Variants in PHKG2 observed in about 807,000 individuals in gnomAD.
PHKG2 encodes phosphorylase kinase catalytic subunit gamma 2.
A neutral mutation model predicts 44.5 loss-of-function variants in PHKG2; 28 were observed. The ratio of observed to expected loss-of-function variants is 0.63; its 90% CI spans 0.47 to 0.86. PHKG2 has a LOEUF of 0.86. PHKG2 is among the 40% of genes least tolerant of loss of function. PHKG2 has a pLI of 0.00. For synonymous variants in PHKG2, 220 were observed against 211.2 expected, an observed-to-expected ratio of 1.04 and a Z score of -0.36; for missense variants, 498 against 547.5, an observed-to-expected ratio of 0.91 and a Z score of 0.90.
rs535279129 is a variant in PHKG2, at chr16:30,759,356, C to G, written c.*2259C>G. On this transcript the variant is annotated 3_prime_UTR_variant, in exon 10 of 10. Coordinates refer to ENST00000563588, the MANE Select transcript of PHKG2 (RefSeq NM_000294.3). ...CCACCCCCTACCTGGGGTGTGAAGA[C>G]GTATTTATAGAGCTTGAAGTGGCGG... The G allele has an allele frequency of 3.7e-6, 6 of 1,613,974 alleles. No homozygotes were observed. The highest frequency in any genetic ancestry group is 5.1e-6 in the Non-Finnish European group (6 of 1,179,870).
rs756191235 is a variant in PHKG2 at position 30,756,292 on chromosome 16, C to T, written c.647+20C>T. ...CGACCTGTGAGTTCCTGGTCTCCCC[C>T]TCCCTCCCGTGCTTGCTGTCCTTTG... On this transcript the variant is annotated intron_variant, in intron 7 of 9. Transcript: ENST00000563588. 2 of 1,613,926 alleles carry T rather than the reference C, an allele frequency of 1.2e-6. No homozygotes were observed. Among genetic ancestry groups the T allele is most frequent in the Non-Finnish European group, 1.7e-6 (2 of 1,179,786 alleles).
chr16:30,748,585 T>G, intron 1 of PHKG2, 95 bp downstream of exon 1: 1 of 531,886 alleles, frequency 1.9e-6, no homozygotes, highest in Non-Finnish European at 3.4e-6. Flanking sequence ...TCCCCCTGCC[T>G]CCTGGGCACA....
Position 30,760,687 on chromosome 16 carries a change from AAG to A in PHKG2, c.*3593_*3594del, listed in dbSNP as rs201882666. On this transcript the variant is annotated 3_prime_UTR_variant, in exon 10 of 10. Coordinates refer to ENST00000563588, the MANE Select transcript of PHKG2 (RefSeq NM_000294.3). ...GTACTTCCTGTTATAGTAAAAGAAA[AAG>A]AGTATTGGTGGCCGTTACCTATCAT... is the stretch of plus-strand genomic sequence containing the variant. 16 of 1,543,116 alleles carry A rather than the reference AAG, an allele frequency of 1.0e-5. No individual in the cohort carries two copies. In the African/African-American group the frequency reaches 1.2e-4, roughly 11 times the overall value.
intron 2 of PHKG2, 22 bp from the exon 3 acceptor site, chr16:30,751,084 T>C: frequency 1.2e-6 from 2 of 1,612,164 alleles, no homozygotes; most frequent in Non-Finnish European, 1.7e-6. Context: ...CCCTGACTTG[T>C]GCTATTTTCC....
rs760869502 is a variant in PHKG2, at chr16:30,756,490, G to A, written c.771G>A (p.Trp257Ter). Residue 257 changes from tryptophan (W) to a stop codon, truncating the protein, a stop_gained, in exon 8 of 10, where the codon TGG becomes TGA. Transcript: ENST00000563588. LOFTEE classifies it high-confidence loss of function. ...EGQYQFSSPE[W>*]DDRSSTVKDL... ...AGTACCAGTTCAGTTCCCCCGAGTG[G>A]GATGACCGTTCCAGCACTGTCAAAG... is the stretch of plus-strand genomic sequence containing the variant. 2 of 1,613,380 alleles carry A rather than the reference G, an allele frequency of 1.2e-6. No individual in the cohort carries two copies. The highest frequency in any genetic ancestry group is 2.2e-5 in the South Asian group (2 of 91,078).
rs2053746115 is a variant in PHKG2 at position 30,761,086 on chromosome 16, C to T, written c.*3989C>T. The T allele has an allele frequency of 3.2e-6, 4 of 1,252,434 alleles. No individual in the cohort carries two copies. Among genetic ancestry groups the T allele is most frequent in the African/African-American group, 3.0e-5 (2 of 67,112 alleles). 77.6% of individuals were successfully genotyped at this position (1,252,434 alleles called of 1,614,324 possible). ...CCAGTCACCTGGAGTAATTGCATCT[C>T]CAGGCCTCAGTCTCATCTGTAAAAT... On this transcript the variant is annotated 3_prime_UTR_variant, in exon 10 of 10. Transcript: ENST00000563588.
intron 2 of PHKG2, among the ~76,000 whole-genome samples, 191 bp downstream of exon 2, chr16:30,749,106 C>CTGG (rs1451638959): frequency 0.024 from 1,236 of 50,488 alleles, 446 homozygotes; most frequent in African/African-American, 0.061. Context: ...GCTGCTGCTG[C>CTGG]TGCTGGTGGT....
In PHKG2 at chr16:30,756,045, C is replaced by T. The variant is rs139208253; in HGVS notation, c.557-137C>T. On this transcript the variant is annotated intron_variant, in intron 6 of 9. Coordinates refer to ENST00000563588, the MANE Select transcript of PHKG2 (RefSeq NM_000294.3). ...GCAGGGATAGTGCCTCAGCAGGAGA[C>T]TTGGCAGAAGGCAGACAGAAGGAAG... 2.8e-3 allele frequency: 2,265 copies of T among 796,756 alleles called. 9 individuals carry two copies. The highest frequency in any genetic ancestry group is 5.4e-3 in the Middle Eastern group (19 of 3,540). The allele number at this position is 796,756 out of a possible 1,614,324, so 49.4% of individuals were successfully genotyped here. A position where few individuals can be genotyped will look rare whatever the true frequency, so the allele number is the denominator to read the frequency against.
intron 2 of PHKG2, among the ~76,000 whole-genome samples, chr16:30,749,301 T>C (rs2053313784): frequency 6.6e-6 from 1 of 151,026 alleles, no homozygotes; most frequent in African/African-American, 2.4e-5. Flanking sequence ...TGTGTGTCTT[T>C]CAAGTTCAGG....
At position 30,757,495 on chromosome 16, in the gene PHKG2, C is replaced by T; in HGVS notation, c.*398C>T. ...TGGGGGTCACTTGGTCTTGCTCTTG[C>T]CTTTACCCGGAGGTAGCTGGAAGGG... is the stretch of plus-strand genomic sequence containing the variant. On this transcript the variant is annotated 3_prime_UTR_variant, in exon 10 of 10. Transcript: ENST00000563588. The T allele has an allele frequency of 6.2e-7, 1 of 1,613,822 alleles. No homozygotes were observed. Among genetic ancestry groups the T allele is most frequent in the Non-Finnish European group, 8.5e-7 (1 of 1,179,836 alleles).
chr16:30,757,893 G>C lies in PHKG2; in HGVS notation c.*796G>C. 8.4e-7 allele frequency: 1 copy of C among 1,193,012 alleles called. No homozygotes were observed. Among genetic ancestry groups the C allele is most frequent in the Non-Finnish European group, 1.1e-6 (1 of 914,244 alleles). The allele number at this position is 1,193,012 out of a possible 1,614,324, so 73.9% of individuals were successfully genotyped here. On this transcript the variant is annotated 3_prime_UTR_variant, in exon 10 of 10. Transcript: ENST00000563588. ...CCTACTCAGTAGCTGTGTGACCTTA[G>C]GCAGGTTATTTAACCTATCTGTGCC... is the stretch of plus-strand genomic sequence containing the variant.
chr16:30,757,053 T>C lies in PHKG2; in HGVS notation c.1177T>C (p.Ser393Pro), dbSNP rs2053442962. 1 of 1,612,986 alleles carries C rather than the reference T, an allele frequency of 6.2e-7. No individual in the cohort carries two copies. The highest frequency in any genetic ancestry group is 1.7e-5 in the Admixed American group (1 of 60,008). The part of the protein sequence containing the change: ...PIMGPEEEGD[S>P]AAITEDEAVL... Reference sequence around the variant, plus strand: ...CATGGGCCCTGAAGAGGAGGGAGACTCTGCTGCTATAACTGAGGATGAGGC... The same window carrying C: ...CATGGGCCCTGAAGAGGAGGGAGACCCTGCTGCTATAACTGAGGATGAGGC... Residue 393 changes from serine to proline, a missense_variant, in exon 10 of 10, where the codon TCT (serine) becomes CCT (proline). By Grantham distance (74) the Ser-to-Pro change is moderately conservative. Transcript: ENST00000563588.
chr16:30,754,679 C>T (rs2053393218), intron 6 of PHKG2, among the ~76,000 whole-genome samples: 1 of 152,116 alleles, frequency 6.6e-6, no homozygotes, highest in Non-Finnish European at 1.5e-5. Context: ...TACTTTAAAA[C>T]CCTTTGGCTT....
chr16:30,760,203 C>T lies in PHKG2; in HGVS notation c.*3106C>T, dbSNP rs1329637350. ...ACATATTCCAGGCAGAAATCCCCTG[C>T]TTCTGCTTCCCATGGTCACTTGTGC... is the stretch of plus-strand genomic sequence containing the variant. On this transcript the variant is annotated 3_prime_UTR_variant, in exon 10 of 10. Coordinates refer to ENST00000563588, the MANE Select transcript of PHKG2 (RefSeq NM_000294.3). The T allele has an allele frequency of 6.2e-7, 1 of 1,610,048 alleles. No individual in the cohort carries two copies. The highest frequency in any genetic ancestry group is 8.5e-7 in the Non-Finnish European group (1 of 1,179,832).
chr16:30,753,601 A>G (rs1390979840), intron 6 of PHKG2, 44 bp downstream of exon 6: 1 of 1,587,582 alleles, frequency 6.3e-7, no homozygotes, highest in Non-Finnish European at 8.6e-7. Context: ...GGGGAGACCC[A>G]GGCCTGATGA....
At chr16:30,750,460 T>G (rs1353165485) in intron 2 of PHKG2, among the ~76,000 whole-genome samples, 1 of 152,178 alleles carries the variant, frequency 6.6e-6, no homozygotes, top group Non-Finnish European at 1.5e-5. Context: ...CTGAGGAATG[T>G]GTAGGGTCAT....
intron 4 of PHKG2, chr16:30,752,868 AGGT>A (rs2053369716): frequency 2.9e-6 from 1 of 341,390 alleles, no homozygotes; most frequent in Non-Finnish European, 5.5e-6. Flanking sequence ...CTTCAAAATA[AGGT>A]CCTATTCAAC....
intron 4 of PHKG2, among the ~76,000 whole-genome samples, chr16:30,752,066 G>A (rs1028127897): frequency 2.2e-4 from 33 of 148,378 alleles, no homozygotes; most frequent in African/African-American, 6.5e-4. Flanking sequence ...GCACTCCAGC[G>A]TGGGCGACAG....
Position 30,753,509 on chromosome 16 carries a change from T to G in PHKG2, c.508T>G (p.Ser170Ala), listed in dbSNP as rs750553595. 1 of 1,614,088 alleles carries G rather than the reference T, an allele frequency of 6.2e-7. No individual in the cohort carries two copies. The highest frequency in any genetic ancestry group is 1.1e-5 in the South Asian group (1 of 91,076). Residue 170 changes from serine to alanine, a missense_variant, in exon 6 of 10, where the codon TCA (serine) becomes GCA (alanine). Physicochemically the swap from Ser to Ala is moderately conservative, Grantham distance 99 (BLOSUM62 1). Transcript: ENST00000563588. ...LLDDNMQIRL[S>A]DFGFSCHLEP... ...AGATGACAATATGCAGATCCGACTT[T>G]CAGATTTCGGGTTCTCCTGCCACTT...
Sources: gnomAD v4.1 joint callset for allele counts (sites outside exome capture counted in the v4.1 genomes callset) on GRCh38, gnomAD v4.1.1 for gene constraint, MANE v1.5 for transcripts, NCBI Gene and HGNC (gene_info 2026-07-23, HGNC 2026-07-21) for gene names.